Variants in TXNRD2 observed in about 807,000 individuals in gnomAD.
TXNRD2 encodes thioredoxin reductase 2.
In TXNRD2, 67 loss-of-function variants were observed where a neutral mutation model predicts 70.8. The ratio of observed to expected loss-of-function variants is 0.95; its 90% CI spans 0.78 to 1.16. The LOEUF (loss-of-function observed/expected upper bound fraction) is 1.16. TXNRD2 is among the 50% of genes most tolerant of loss of function. The pLI is 0.00. For missense variants in TXNRD2, 644 were observed against 719.9 expected (o/e 0.89, Z 1.21); for synonymous variants, 301 against 295.8 (o/e 1.02, Z -0.18).
intron 5 of TXNRD2, among the ~76,000 whole-genome samples, chr22:19,917,465 C>A (rs975423109): frequency 1.3e-5 from 2 of 152,152 alleles, no homozygotes; most frequent in African/African-American, 4.8e-5. Context: ...GAAGACCCGC[C>A]CTGGGGCCAA....
At chr22:19,901,082 C>T (rs1448758526) in intron 8 of TXNRD2, among the ~76,000 whole-genome samples, 3 of 152,240 alleles carry the variant, frequency 2.0e-5, no homozygotes, top group Non-Finnish European at 4.4e-5. Flanking sequence ...GGCCTCCTAG[C>T]TCATTGCTAG....
chr22:19,917,765 G>A (rs961980164), intron 5 of TXNRD2, among the ~76,000 whole-genome samples: 10 of 152,186 alleles, frequency 6.6e-5, no homozygotes, highest in South Asian at 2.1e-4. Context: ...GGGGGTTCAC[G>A]GGGTGGGGGC....
chr22:19,904,923 C>T (rs541496260), intron 8 of TXNRD2, among the ~76,000 whole-genome samples: 19 of 152,286 alleles, frequency 1.2e-4, no homozygotes, highest in Admixed American at 4.6e-4. Context: ...ATTTTAAAGG[C>T]GAGTTAAAAT....
rs776974403 is a variant in TXNRD2, at chr22:19,877,272, A to G, written c.1446-38T>C. 14 of 1,583,872 alleles carry G rather than the reference A, an allele frequency of 8.8e-6. No homozygotes were observed. The East Asian group carries it at 9.0e-5, about 10-fold the overall frequency. ...GATGGGGGAGGCAGGCGGGGTCAGC[A>G]CAGGGAGGGGGGTCCACAGCATCCC... On this transcript the variant is annotated intron_variant, in intron 16 of 17. Transcript: ENST00000400521.
intron 1 of TXNRD2, among the ~76,000 whole-genome samples, chr22:19,938,443 C>A (rs1941602613): frequency 6.6e-6 from 1 of 152,160 alleles, no homozygotes; most frequent in South Asian, 2.1e-4. Context: ...GGCCTACCTG[C>A]ACCATACACA....
At chr22:19,938,747 C>T (rs1248226357) in intron 1 of TXNRD2, among the ~76,000 whole-genome samples, 1 of 152,104 alleles carries the variant, frequency 6.6e-6, no homozygotes, top group Admixed American at 6.6e-5. Context: ...TTACAGTGCT[C>T]CCAGTCAACA....
At chr22:19,906,257 G>C (rs1858772) in intron 8 of TXNRD2, among the ~76,000 whole-genome samples, 100,022 of 152,082 alleles carry the variant, frequency 0.66, 33,886 homozygotes, top group East Asian at 0.9. Flanking sequence ...AGGCTTTTCA[G>C]GTAAATGTGT....
At chr22:19,909,643 TACAC>T (rs1296087736) in intron 8 of TXNRD2, among the ~76,000 whole-genome samples, 5 of 37,812 alleles carry the variant, frequency 1.3e-4, no homozygotes, top group Non-Finnish European at 1.1e-4. Flanking sequence ...ACCACTCACA[TACAC>T]ACACCATTCA....
chr22:19,885,727 A>G (rs1248552850), intron 11 of TXNRD2, among the ~76,000 whole-genome samples: 2 of 152,182 alleles, frequency 1.3e-5, no homozygotes, highest in Non-Finnish European at 2.9e-5. Flanking sequence ...GGAACAGAAC[A>G]TCTGACGCTG....
At chr22:19,924,688 G>A (rs894589160) in intron 2 of TXNRD2, among the ~76,000 whole-genome samples, 2 of 152,198 alleles carry the variant, frequency 1.3e-5, no homozygotes, top group Admixed American at 6.5e-5. Flanking sequence ...TCTTTTATTG[G>A]TGGGTTTGAA....
rs947152207 is a variant in TXNRD2 at position 19,915,209 on chromosome 22, C to G, written c.591+5G>C. ...GCAGGGACGCTATGCTCTGGGGACA[C>G]TCACGTGCGTGGGGTATCTCGGCCG... On this transcript the variant is annotated splice_donor_5th_base_variant and intron_variant, in intron 7 of 17. Coordinates refer to ENST00000400521, the MANE Select transcript of TXNRD2 (RefSeq NM_006440.5). The G allele has an allele frequency of 1.3e-5, 21 of 1,613,522 alleles. No homozygotes were observed. Among genetic ancestry groups the G allele is most frequent in the Admixed American group, 5.0e-5 (3 of 59,906 alleles).
intron 2 of TXNRD2, among the ~76,000 whole-genome samples, chr22:19,930,479 G>A (rs991187209): frequency 2.6e-5 from 4 of 152,248 alleles, no homozygotes; most frequent in Admixed American, 6.5e-5. Context: ...ACACCTCTGG[G>A]TCCAGCCCGT....
At chr22:19,912,375 G>A (rs1327960389) in intron 7 of TXNRD2, among the ~76,000 whole-genome samples, 2 of 152,252 alleles carry the variant, frequency 1.3e-5, no homozygotes, top group East Asian at 3.9e-4. Context: ...GGAGAGCGAA[G>A]CAGCCCTGAG....
chr22:19,932,756 C>T (rs756412189), intron 1 of TXNRD2, among the ~76,000 whole-genome samples: 6 of 152,120 alleles, frequency 3.9e-5, no homozygotes, highest in South Asian at 2.1e-4. Flanking sequence ...TGGAGCCGGT[C>T]GCTGCTTCAG....
chr22:19,925,392 A>G (rs1370256379), intron 2 of TXNRD2, among the ~76,000 whole-genome samples: 1 of 151,974 alleles, frequency 6.6e-6, no homozygotes, highest in Non-Finnish European at 1.5e-5. Flanking sequence ...CCATATTACA[A>G]GAAATGCTAA....
At chr22:19,909,848 TCACACACACAC>T (rs1940296208) in intron 8 of TXNRD2, among the ~76,000 whole-genome samples, 3 of 13,126 alleles carry the variant, frequency 2.3e-4, no homozygotes, top group Non-Finnish European at 3.7e-4. Context: ...CCCACACCCT[TCACACACACAC>T]CACACACACA....
intron 7 of TXNRD2, among the ~76,000 whole-genome samples, chr22:19,913,126 C>T (rs1184370347): frequency 7.2e-5 from 11 of 152,160 alleles, no homozygotes; most frequent in Admixed American, 7.2e-4. Flanking sequence ...CCCAACCCCT[C>T]ACCCCGGGGC....
intron 11 of TXNRD2, chr22:19,887,540 G>T (rs866502146): frequency 4.3e-4 from 65 of 152,376 alleles, no homozygotes; most frequent in African/African-American, 1.4e-3. Context: ...ACTGTAGCAA[G>T]AGGGCCCAGC....
At chr22:19,903,467 C>T (rs1266100692) in intron 8 of TXNRD2, among the ~76,000 whole-genome samples, 1 of 152,210 alleles carries the variant, frequency 6.6e-6, no homozygotes, top group Non-Finnish European at 1.5e-5. Flanking sequence ...CAAAACCTGG[C>T]ACTGAGGGAG....
Sources: allele counts gnomAD v4.1 joint callset (sites outside exome capture counted in the v4.1 genomes callset), GRCh38; gene constraint gnomAD v4.1.1; transcripts MANE v1.5; gene names NCBI Gene and HGNC (gene_info 2026-07-23, HGNC 2026-07-21).